The following PDE4D variants were observed in gnomAD, a reference collection of about 807,000 sequenced individuals.
The protein encoded by PDE4D is phosphodiesterase 4D, also known as 3',5'-cyclic-AMP phosphodiesterase 4D.
Under a neutral mutation model 87.4 loss-of-function variants are expected in PDE4D, and 24 were observed. The observed-to-expected ratio is 0.27, with a 90% CI of 0.20 to 0.39. The LOEUF is 0.39. PDE4D is among the 10% of genes least tolerant of loss of function. The pLI is 1.00. For synonymous variants in PDE4D, 384 were observed against 383.2 expected, an observed-to-expected ratio of 1.00 and a Z score of -0.02; for missense variants, 714 against 1,041.0, an observed-to-expected ratio of 0.69 and a Z score of 4.32.
At position 59,668,736 on chromosome 5, in the gene PDE4D, A is replaced by AAAGAAG. The variant is rs141881917; in HGVS notation, c.455+224426_455+224431dup. Among the ~76,000 whole-genome samples, 34 of 94,568 alleles carry AAAGAAG rather than the reference A, an allele frequency of 3.6e-4. 2 individuals carry two copies. The highest frequency in any genetic ancestry group is 7.2e-4 in the African/African-American group (20 of 27,640). The allele number at this position is 94,568 out of a possible 152,430, so 62.0% of individuals were successfully genotyped here. Reference sequence around the variant, plus strand: ...CAAGAAAAAAAAGAAGAAGAAGAAGAAAGAAGAAGAAGAAGAAGAAAGAAG... The same window carrying AAAGAAG: ...CAAGAAAAAAAAGAAGAAGAAGAAGAAAGAAGAAGAAGAAGAAGAAGAAGAAAGAAG... On this transcript the variant is annotated intron_variant, in intron 1 of 14. Transcript: ENST00000340635.
chr5:59,688,735 G>C (rs954023545), intron 1 of PDE4D, among the ~76,000 whole-genome samples: 6 of 152,104 alleles, frequency 3.9e-5, no homozygotes, highest in African/African-American at 1.2e-4. Context: ...AGAACTGAAG[G>C]AGATAGAGAC....
At chr5:59,874,259 T>C (rs1459269476) in intron 1 of PDE4D, among the ~76,000 whole-genome samples, 1 of 152,156 alleles carries the variant, frequency 6.6e-6, no homozygotes, top group Admixed American at 6.5e-5. Context: ...ACTTTTCACA[T>C]AATGTCCCTT....
intron 5 of PDE4D, among the ~76,000 whole-genome samples, chr5:59,121,861 C>G (rs1287342393): frequency 6.6e-6 from 1 of 151,956 alleles, no homozygotes; most frequent in Non-Finnish European, 1.5e-5. Flanking sequence ...ATGTGGTATA[C>G]GGCCAGGCAC....
rs563998543 is a variant in PDE4D, at chr5:59,079,917, A to C, written c.809-40946T>G. The stretch of plus-strand genomic sequence containing the variant: ...GGGCAGGGGCAGGGGCAAGGCAAGG[A>C]AAGGGGCAGGGGCAGAGGCAAGGGA... On this transcript the variant is annotated intron_variant, in intron 5 of 14. Coordinates refer to ENST00000340635, the MANE Select transcript of PDE4D (RefSeq NM_001104631.2). 1.3e-4 allele frequency among the ~76,000 whole-genome samples: 19 copies of C among 146,336 alleles called. No individual in the cohort carries two copies. In the East Asian group the frequency reaches 3.8e-3, roughly 30 times the overall value.
rs537112594 is a variant in PDE4D, at chr5:59,268,041, G to A, written c.456-52073C>T. Among the ~76,000 whole-genome samples the A allele has an allele frequency of 4.7e-4, 71 of 152,002 alleles. 1 individual carries two copies. The highest frequency in any genetic ancestry group is 1.6e-3 in the African/African-American group (68 of 41,512). On this transcript the variant is annotated intron_variant, in intron 1 of 14. Transcript: ENST00000340635. ...GATGGTGGATGCTTAGTTCAAACTGGGCTGGAATTCTTCCATATTGGTCTC... is the reference window on the plus strand; with the variant it reads ...GATGGTGGATGCTTAGTTCAAACTGAGCTGGAATTCTTCCATATTGGTCTC...
At chr5:59,650,056 T>G (rs568620124) in intron 1 of PDE4D, among the ~76,000 whole-genome samples, 1 of 151,690 alleles carries the variant, frequency 6.6e-6, no homozygotes, top group Admixed American at 6.6e-5. Flanking sequence ...TATTTTGAAT[T>G]TGTTTTCAAT....
intron 3 of PDE4D, among the ~76,000 whole-genome samples, chr5:59,939,406 T>C (rs1303324568): frequency 1.3e-5 from 2 of 152,190 alleles, no homozygotes; most frequent in Admixed American, 1.3e-4. Flanking sequence ...GAGGACACAA[T>C]GGCAAGCAAA....
At chr5:59,014,596 G>A (rs1191310937) in intron 6 of PDE4D, among the ~76,000 whole-genome samples, 2 of 152,100 alleles carry the variant, frequency 1.3e-5, no homozygotes, top group African/African-American at 4.8e-5. Flanking sequence ...GGGATGTGAA[G>A]GACCTTTTCA....
chr5:59,910,757 C>A (rs951044353), intron 3 of PDE4D, among the ~76,000 whole-genome samples: 4 of 152,086 alleles, frequency 2.6e-5, no homozygotes, highest in African/African-American at 9.7e-5. Context: ...GCACTTTAAC[C>A]CTTGATAGTT....
At chr5:60,219,144 A>C (rs1337142940) in intron 1 of PDE4D, among the ~76,000 whole-genome samples, 2 of 152,184 alleles carry the variant, frequency 1.3e-5, no homozygotes, top group African/African-American at 4.8e-5. Flanking sequence ...CACAAATATT[A>C]TCCAATCTCT....
intron 1 of PDE4D, among the ~76,000 whole-genome samples, chr5:60,189,106 C>T (rs566597323): frequency 2.0e-5 from 3 of 152,220 alleles, no homozygotes; most frequent in Admixed American, 6.5e-5. Context: ...AACACTCACA[C>T]GTGCAATTTC....
chr5:59,735,855 G>A (rs1208462546), intron 1 of PDE4D, among the ~76,000 whole-genome samples: 2 of 152,040 alleles, frequency 1.3e-5, no homozygotes, highest in Non-Finnish European at 2.9e-5. Context: ...TTTTAGTACA[G>A]ACGGGATTTC....
At chr5:59,997,236 A>G (rs779972060) in intron 2 of PDE4D, among the ~76,000 whole-genome samples, 12 of 152,174 alleles carry the variant, frequency 7.9e-5, no homozygotes, top group Non-Finnish European at 1.8e-4. Context: ...ACATACAGTA[A>G]TAGAATCCCA....
intron 1 of PDE4D, among the ~76,000 whole-genome samples, chr5:60,429,310 T>G (rs1472462786): frequency 6.6e-6 from 1 of 152,198 alleles, no homozygotes; most frequent in East Asian, 1.9e-4. Flanking sequence ...AGCTTGGACA[T>G]TATCGGTGTA....
intron 1 of PDE4D, among the ~76,000 whole-genome samples, chr5:59,538,523 C>T (rs945005568): frequency 6.6e-6 from 1 of 152,088 alleles, no homozygotes; most frequent in Admixed American, 6.6e-5. Context: ...CCCGTTCAAT[C>T]TATTTCCTAA....
chr5:59,303,048 T>G (rs147113368), intron 1 of PDE4D, among the ~76,000 whole-genome samples: 34 of 152,334 alleles, frequency 2.2e-4, no homozygotes, highest in African/African-American at 7.2e-4. Context: ...CAACATCTAC[T>G]GTTTTTTAAA....
intron 5 of PDE4D, among the ~76,000 whole-genome samples, chr5:59,090,036 G>T (rs1346158681): frequency 6.6e-6 from 1 of 152,014 alleles, no homozygotes; most frequent in Non-Finnish European, 1.5e-5. Context: ...TATGAAGTCT[G>T]GGTATTTAGG....
At chr5:60,263,082 G>C (rs1749818013) in intron 1 of PDE4D, among the ~76,000 whole-genome samples, 1 of 152,176 alleles carries the variant, frequency 6.6e-6, no homozygotes, top group African/African-American at 2.4e-5. Context: ...GGTTGCTGAA[G>C]TGGGTTTGGT....
At chr5:59,046,251 G>A (rs1490914180) in intron 5 of PDE4D, among the ~76,000 whole-genome samples, 3 of 152,182 alleles carry the variant, frequency 2.0e-5, no homozygotes, top group African/African-American at 7.2e-5. Flanking sequence ...GAATATGCCA[G>A]TTGCTAGAGA....
Sources: gnomAD v4.1 joint callset for allele counts (sites outside exome capture counted in the v4.1 genomes callset) on GRCh38, gnomAD v4.1.1 for gene constraint, MANE v1.5 for transcripts, NCBI Gene and HGNC (gene_info 2026-07-23, HGNC 2026-07-21) for gene names.